LYST: variants seen among roughly 807,000 people sequenced by gnomAD.
The protein encoded by LYST is lysosomal-trafficking regulator.
In LYST, 192 loss-of-function variants were observed where a neutral mutation model predicts 413.6. That is an observed-to-expected ratio of 0.46 (90% CI 0.41 to 0.52). The LOEUF is 0.52. Among genes scored for constraint, LYST ranks in the 20% least tolerant of loss-of-function variants. The pLI, the probability that LYST is intolerant of heterozygous loss-of-function variation, is 0.00. For synonymous variants in LYST, 1,525 were observed against 1,567.3 expected (o/e 0.97, Z 0.64); for missense variants, 3,815 against 4,499.9 (o/e 0.85, Z 4.35).
chr1:235,788,223 G>A (rs1469583663), intron 13 of LYST, among the ~76,000 whole-genome samples: 3 of 152,032 alleles, frequency 2.0e-5, no homozygotes, highest in African/African-American at 7.2e-5. Flanking sequence ...GCAGTGGCGC[G>A]ATCTGGGATC....
intron 48 of LYST, among the ~76,000 whole-genome samples, chr1:235,679,718 A>G (rs1220381070): frequency 6.6e-6 from 1 of 152,124 alleles, no homozygotes; most frequent in Non-Finnish European, 1.5e-5. Flanking sequence ...CAAACCAGGG[A>G]ATTCCAGGGT....
chr1:235,835,046 T>C (rs1676416283), intron 1 of LYST, among the ~76,000 whole-genome samples: 1 of 151,344 alleles, frequency 6.6e-6, no homozygotes, highest in Non-Finnish European at 1.5e-5. Context: ...GCCTCCCGAG[T>C]AGCCGGGATT....
At chr1:235,733,069 G>C (rs544612756) in intron 34 of LYST, among the ~76,000 whole-genome samples, 24 of 152,062 alleles carry the variant, frequency 1.6e-4, no homozygotes, top group Non-Finnish European at 2.9e-4. Context: ...ATTTACTTTA[G>C]TGTCTAATGT....
chr1:235,851,380 A>G (rs1678516220), intron 1 of LYST, among the ~76,000 whole-genome samples: 1 of 147,492 alleles, frequency 6.8e-6, no homozygotes, highest in African/African-American at 2.5e-5. Context: ...AGAATGATAC[A>G]ATGGACTCTG....
chr1:235,663,210 C>G, intron 52 of LYST, 132 bp from the exon 53 acceptor site: 1 of 696,632 alleles, frequency 1.4e-6, no homozygotes, highest in Non-Finnish European at 2.6e-6. Context: ...TAAATGACTG[C>G]CTACAACTCA....
upstream of LYST, among the ~76,000 whole-genome samples, chr1:235,869,200 C>T (rs1428694492): frequency 6.6e-6 from 1 of 152,172 alleles, no homozygotes; most frequent in African/African-American, 2.4e-5. Flanking sequence ...TGGCCGGGCG[C>T]AGTGGCTCAC....
chr1:235,844,586 C>T (rs1297529203), intron 1 of LYST, among the ~76,000 whole-genome samples: 7 of 152,278 alleles, frequency 4.6e-5, no homozygotes, highest in Middle Eastern at 3.4e-3. Context: ...CAGGCAAAGG[C>T]GTTTCCCTAA....
At chr1:235,858,140 T>C (rs1420824250) in intron 1 of LYST, among the ~76,000 whole-genome samples, 9 of 152,180 alleles carry the variant, frequency 5.9e-5, no homozygotes, top group Admixed American at 5.9e-4. Flanking sequence ...TCTTCTTCAA[T>C]GACCCCTACT....
chr1:235,866,688 T>TGCCCTCGC (rs147446128), intron 1 of LYST, among the ~76,000 whole-genome samples, 155 bp downstream of exon 1: 29 of 151,548 alleles, frequency 1.9e-4, no homozygotes, highest in Middle Eastern at 3.4e-3. Flanking sequence ...TCAGGCCGAG[T>TGCCCTCGC]GCCCTCGCGC....
intron 8 of LYST, 71 bp from the exon 9 acceptor site, chr1:235,801,168 T>C: frequency 9.9e-7 from 1 of 1,014,666 alleles, no homozygotes; most frequent in South Asian, 1.3e-5. Context: ...ATTAATCATT[T>C]AGAAGATCTA....
intron 30 of LYST, among the ~76,000 whole-genome samples, chr1:235,741,859 G>A (rs1368734299): frequency 6.6e-6 from 1 of 152,172 alleles, no homozygotes; most frequent in Non-Finnish European, 1.5e-5. Context: ...GAAACAGTCT[G>A]AACGTCCATC....
At position 235,686,092 on chromosome 1, in the gene LYST, C is replaced by G. The variant is rs369258873; in HGVS notation, c.10800+857G>C. Among the ~76,000 whole-genome samples, 1 of 152,044 alleles carries G rather than the reference C, an allele frequency of 6.6e-6. No individual in the cohort carries two copies. Among genetic ancestry groups the G allele is most frequent in the South Asian group, 2.1e-4 (1 of 4,816 alleles). Reference sequence around the variant, plus strand: ...ATTCAAGAAACAAAAACAGGCCGGGCGTGATGGCTCACACCTATAATCCCA... The same window carrying G: ...ATTCAAGAAACAAAAACAGGCCGGGGGTGATGGCTCACACCTATAATCCCA... On this transcript the variant is annotated intron_variant, in intron 48 of 52. Coordinates refer to ENST00000389793, the MANE Select transcript of LYST (RefSeq NM_000081.4). This position sits in a 1 kb window ranked among gnomAD's most constrained non-coding sequence, Gnocchi z 4.0.
intron 1 of LYST, among the ~76,000 whole-genome samples, chr1:235,834,007 A>C (rs574007894): frequency 2.4e-4 from 36 of 152,326 alleles, no homozygotes; most frequent in Admixed American, 7.2e-4. Flanking sequence ...ATATCTAAAT[A>C]CTATCACGAC....
intron 16 of LYST, 111 bp downstream of exon 16, chr1:235,780,751 AATG>A (rs1214449709): frequency 5.0e-5 from 22 of 437,576 alleles, no homozygotes; most frequent in Admixed American, 3.9e-4. Context: ...AAGAAAAGAA[AATG>A]ATAAGGAACC....
chr1:235,752,994 G>A (rs1354728592), intron 26 of LYST, 50 bp downstream of exon 26: 2 of 1,038,046 alleles, frequency 1.9e-6, no homozygotes, highest in East Asian at 5.2e-5. Context: ...AAGTTTTCCT[G>A]TTCTAAAGTA....
intron 1 of LYST, among the ~76,000 whole-genome samples, chr1:235,843,796 A>G (rs1439446917): frequency 6.6e-6 from 1 of 152,216 alleles, no homozygotes; most frequent in African/African-American, 2.4e-5. Flanking sequence ...AATGATATTT[A>G]TTCTTATAGG....
At chr1:235,796,189 A>G (rs1671542201) in intron 10 of LYST, among the ~76,000 whole-genome samples, 1 of 152,124 alleles carries the variant, frequency 6.6e-6, no homozygotes, top group African/African-American at 2.4e-5. Context: ...ATTTTTTAAA[A>G]TAATAAATCT....
At chr1:235,687,394 T>C (rs531467569) in intron 47 of LYST, among the ~76,000 whole-genome samples, 3 of 152,380 alleles carry the variant, frequency 2.0e-5, no homozygotes, top group East Asian at 3.9e-4. Flanking sequence ...TGTGAATGTA[T>C]GTGTACTTCA....
Position 235,734,661 on chromosome 1 carries a change from T to A in LYST, c.8359-2A>T. Reference sequence around the variant, plus strand: ...ATACAAAACTAACTTGGCTCCATGCTTTAAAAAAAGTAATAATTTTTTAGT... The same window carrying A: ...ATACAAAACTAACTTGGCTCCATGCATTAAAAAAAGTAATAATTTTTTAGT... On this transcript the variant is annotated splice_acceptor_variant, in intron 31 of 52. Transcript: ENST00000389793. LOFTEE classifies it high-confidence loss of function. 6.3e-7 allele frequency: 1 copy of A among 1,598,040 alleles called. No individual in the cohort carries two copies. The highest frequency in any genetic ancestry group is 8.5e-7 in the Non-Finnish European group (1 of 1,170,560).
Sources: allele counts gnomAD v4.1 joint callset (sites outside exome capture counted in the v4.1 genomes callset), GRCh38; gene constraint gnomAD v4.1.1; non-coding constraint Gnocchi (gnomAD v3.1); transcripts MANE v1.5; gene names NCBI Gene and HGNC (gene_info 2026-07-23, HGNC 2026-07-21).